C1orf87: variants seen among roughly 807,000 people sequenced by gnomAD.
C1orf87 encodes chromosome 1 open reading frame 87, also known as uncharacterized protein C1orf87.
In C1orf87, 58 loss-of-function variants were observed where a neutral mutation model predicts 60.5. The ratio of observed to expected loss-of-function variants is 0.96; its 90% CI spans 0.78 to 1.19. C1orf87 has a LOEUF of 1.19. C1orf87 is among the 50% of genes most tolerant of loss of function. The pLI is 0.00. For missense variants in C1orf87, 673 were observed against 638.6 expected, an observed-to-expected ratio of 1.05 and a Z score of -0.58; for synonymous variants, 236 against 227.4, an observed-to-expected ratio of 1.04 and a Z score of -0.34.
rs1363499591 is a variant in C1orf87, at chr1:60,041,119, C to G, written c.355G>C (p.Ala119Pro). ...RFLDGNIPSQ[A>P]NVHCSSVPTG... Reference sequence around the variant, plus strand: ...GGTACAGAGCTGCAGTGGACATTTGCTTGACTGGGAATCTTAACAGAACAA... The same window carrying G: ...GGTACAGAGCTGCAGTGGACATTTGGTTGACTGGGAATCTTAACAGAACAA... The change falls in exon 4 of 12, where the codon GCA becomes CCA. Residue 119 changes from alanine to proline, a missense_variant. Ala to Pro is a conservative substitution (Grantham distance 27). Transcript: ENST00000371201. 1.3e-6 allele frequency: 2 copies of G among 1,578,300 alleles called. No homozygotes were observed. The highest frequency in any genetic ancestry group is 1.7e-6 in the Non-Finnish European group (2 of 1,155,528).
At chr1:60,055,501 A>G (rs1050161540) in intron 2 of C1orf87, 63 bp from the exon 3 acceptor site, 3 of 1,418,882 alleles carry the variant, frequency 2.1e-6, no homozygotes, top group Admixed American at 1.7e-5. Flanking sequence ...CTAGGCTGGC[A>G]TAAGAACAGA....
intron 2 of C1orf87, among the ~76,000 whole-genome samples, chr1:60,061,794 AAAAAAAAAT>A (rs1282423714): frequency 1.3e-5 from 2 of 150,670 alleles, no homozygotes; most frequent in African/African-American, 2.4e-5. Flanking sequence ...AAAAAAAAAA[AAAAAAAAAT>A]AGCTGGGCTT....
intron 2 of C1orf87, among the ~76,000 whole-genome samples, chr1:60,056,670 G>A (rs948358784): frequency 6.6e-6 from 1 of 152,170 alleles, no homozygotes; most frequent in Non-Finnish European, 1.5e-5. Context: ...CCGGGTGGTA[G>A]AACTTAGCGT....
intron 3 of C1orf87, among the ~76,000 whole-genome samples, chr1:60,046,899 T>A (rs908126853): frequency 6.6e-6 from 1 of 152,260 alleles, no homozygotes; most frequent in African/African-American, 2.4e-5. Context: ...ATTTATTTCT[T>A]GTAAAATAGT....
At chr1:60,006,451 G>A (rs1645046086) in intron 9 of C1orf87, among the ~76,000 whole-genome samples, 1 of 151,994 alleles carries the variant, frequency 6.6e-6, no homozygotes, top group South Asian at 2.1e-4. Flanking sequence ...TAAAAGGGAG[G>A]CCAAGCCTTC....
At chr1:60,027,258 T>C (rs1472216910) in intron 7 of C1orf87, among the ~76,000 whole-genome samples, 9 of 152,174 alleles carry the variant, frequency 5.9e-5, no homozygotes, top group Admixed American at 1.3e-4. Context: ...AACCATCTCT[T>C]TTATTGATGC....
At chr1:59,993,038 C>T (rs779930094) in intron 11 of C1orf87, among the ~76,000 whole-genome samples, 6 of 152,110 alleles carry the variant, frequency 3.9e-5, no homozygotes, top group Non-Finnish European at 7.4e-5. Context: ...CACACCCTGC[C>T]TCTGGAAATA....
intron 3 of C1orf87, among the ~76,000 whole-genome samples, chr1:60,052,394 A>T (rs982793787): frequency 6.6e-6 from 1 of 152,172 alleles, no homozygotes; most frequent in Non-Finnish European, 1.5e-5. Flanking sequence ...AGATCCTAGG[A>T]CTAGGAGTCA....
chr1:60,008,888 T>C, intron 9 of C1orf87: 1 of 348,190 alleles, frequency 2.9e-6, no homozygotes, highest in Non-Finnish European at 5.6e-6. Context: ...GCTTGGCATT[T>C]CCGTGGAGAC....
rs752478711 is a variant in C1orf87, at chr1:59,997,724, GAC to G, written c.1363_1364del (p.Val455LeufsTer14). 1.2e-6 allele frequency: 2 copies of G among 1,613,992 alleles called. No homozygotes were observed. Among genetic ancestry groups the G allele is most frequent in the Admixed American group, 3.3e-5 (2 of 60,004 alleles). ...CAGCTGGATTCACGAAGGGCTGGGA[GAC>G]TGGCCTGATCTTTAAAGGTTTCAGA... ...DPLKPLKIRP[V>X]SQPFVNPAVK... On this transcript the variant is annotated frameshift_variant, in exon 11 of 12. Transcript: ENST00000371201. LOFTEE classifies it high-confidence loss of function.
chr1:60,040,201 A>G (rs1222155460), intron 4 of C1orf87, 21 bp from the exon 5 acceptor site: 13 of 1,602,754 alleles, frequency 8.1e-6, no homozygotes, highest in East Asian at 2.2e-5. Context: ...AATGAAAAAC[A>G]AAGAGCAAGA....
At chr1:60,066,414 G>C (rs575658565) in intron 2 of C1orf87, among the ~76,000 whole-genome samples, 2 of 152,110 alleles carry the variant, frequency 1.3e-5, no homozygotes, top group African/African-American at 4.8e-5. Context: ...CAGGAGAATT[G>C]ATTCTATCTC....
At position 60,042,891 on chromosome 1, in the gene C1orf87, T is replaced by G. The variant is rs1253019505; in HGVS notation, c.343-1760A>C. Reference sequence around the variant, plus strand: ...AACCATGACAATAGAAAAGGGATTCTAAGGGCCACTCTCAGAATTGTCCAT... The same window carrying G: ...AACCATGACAATAGAAAAGGGATTCGAAGGGCCACTCTCAGAATTGTCCAT... On this transcript the variant is annotated intron_variant, in intron 3 of 11. Transcript: ENST00000371201. Among the ~76,000 whole-genome samples the G allele has an allele frequency of 1.3e-5, 2 of 152,196 alleles. 1 individual carries two copies. The highest frequency in any genetic ancestry group is 4.1e-4 in the South Asian group (2 of 4,820).
At position 60,043,124 on chromosome 1, in the gene C1orf87, G is replaced by A. The variant is rs1158023050; in HGVS notation, c.343-1993C>T. ...GTAAGAGACAGATGATGCTTTCAGA[G>A]CATAGTTTAACTTTTGGAAAAGGCA... On this transcript the variant is annotated intron_variant, in intron 3 of 11. Transcript: ENST00000371201. Among the ~76,000 whole-genome samples, 9 of 152,196 alleles carry A rather than the reference G, an allele frequency of 5.9e-5. No individual in the cohort carries two copies. In the South Asian group the frequency reaches 1.7e-3, roughly 28 times the overall value.
intron 8 of C1orf87, among the ~76,000 whole-genome samples, chr1:60,024,890 G>A (rs1285302971): frequency 6.6e-6 from 1 of 152,186 alleles, no homozygotes; most frequent in Non-Finnish European, 1.5e-5. Context: ...GTAAGTGGAA[G>A]TTTCCTGCTT....
intron 7 of C1orf87, among the ~76,000 whole-genome samples, chr1:60,026,579 T>C (rs549200141): frequency 6.8e-6 from 1 of 146,032 alleles, no homozygotes; most frequent in Admixed American, 6.9e-5. Flanking sequence ...AGAGAGGTAG[T>C]GGGGTATCAA....
chr1:60,065,952 C>T (rs1247419878), intron 2 of C1orf87, among the ~76,000 whole-genome samples: 1 of 152,014 alleles, frequency 6.6e-6, no homozygotes, highest in Non-Finnish European at 1.5e-5. Context: ...TTTCATGGTG[C>T]ACATAAAAGT....
At position 60,038,002 on chromosome 1, in the gene C1orf87, G is replaced by A; in HGVS notation, c.853C>T (p.His285Tyr). The A allele has an allele frequency of 1.9e-6, 3 of 1,606,358 alleles. No individual in the cohort carries two copies. Among genetic ancestry groups the A allele is most frequent in the Non-Finnish European group, 2.6e-6 (3 of 1,174,012 alleles). ...DLRKTESHGT[H>Y]SQSTPPQHSS... is the part of the protein sequence containing the mutation. ...AAGGGAGAAGAGTACCTTTGGCTATGAGTGCCATGACTCTCAGTTTTTCTC... is the reference window on the plus strand; with the variant it reads ...AAGGGAGAAGAGTACCTTTGGCTATAAGTGCCATGACTCTCAGTTTTTCTC... Residue 285 changes from histidine to tyrosine, a missense_variant, in exon 6 of 12, where the codon CAT becomes TAT. His to Tyr is a moderately conservative substitution (Grantham distance 83). Coordinates refer to ENST00000371201, the MANE Select transcript of C1orf87 (RefSeq NM_152377.3).
chr1:59,994,480 T>G (rs1325867840), intron 11 of C1orf87, among the ~76,000 whole-genome samples: 8 of 152,190 alleles, frequency 5.3e-5, no homozygotes, highest in Admixed American at 5.2e-4. Flanking sequence ...ATGTAGTATA[T>G]GTAAAGTCCG....
Sources: allele counts gnomAD v4.1 joint callset (sites outside exome capture counted in the v4.1 genomes callset), GRCh38; gene constraint gnomAD v4.1.1; transcripts MANE v1.5; gene names NCBI Gene and HGNC (gene_info 2026-07-23, HGNC 2026-07-21).